The following OSBPL10 variants were observed in gnomAD, a reference collection of about 807,000 sequenced individuals.
OSBPL10 encodes the protein oxysterol binding protein like 10.
OSBPL10 carries 49 observed loss-of-function variants against 81.7 expected under a neutral mutation model. The observed-to-expected ratio is 0.60, with a 90% CI of 0.48 to 0.76. The LOEUF (loss-of-function observed/expected upper bound fraction) is 0.76, where lower values mean the gene tolerates loss of function less well. OSBPL10 is among the 30% of genes least tolerant of loss of function. OSBPL10 has a pLI of 0.00. For synonymous variants in OSBPL10, 419 were observed against 383.6 expected (o/e 1.09, Z -1.08); for missense variants, 923 against 987.8 (o/e 0.93, Z 0.88).
chr3:31,738,390 G>GA (rs58044645), intron 5 of OSBPL10, among the ~76,000 whole-genome samples: 1,614 of 141,444 alleles, frequency 0.011, 10 homozygotes, highest in Non-Finnish European at 0.017. Context: ...TGCCTTAAAG[G>GA]AAAAAAAAAA....
chr3:31,867,822 C>CCAGA (rs1290580868), intron 3 of OSBPL10, among the ~76,000 whole-genome samples: 1 of 151,750 alleles, frequency 6.6e-6, no homozygotes, highest in Non-Finnish European at 1.5e-5. Context: ...CAGAAATGAC[C>CCAGA]CAGACAGAAG....
At chr3:31,904,444 CAAAA>C (rs545558536) in intron 1 of OSBPL10, among the ~76,000 whole-genome samples, 151 of 152,300 alleles carry the variant, frequency 9.9e-4, no homozygotes, top group African/African-American at 3.5e-3. Context: ...ATTTTCAAAA[CAAAA>C]TCCACTTGTG....
intron 4 of OSBPL10, among the ~76,000 whole-genome samples, chr3:31,804,998 A>G (rs1187659706): frequency 6.6e-6 from 1 of 152,170 alleles, no homozygotes; most frequent in Non-Finnish European, 1.5e-5. Context: ...GGCTTTCCCT[A>G]TGGTTTTCAA....
intron 4 of OSBPL10, among the ~76,000 whole-genome samples, chr3:31,772,571 C>T (rs182378987): frequency 7.8e-4 from 119 of 152,272 alleles, no homozygotes; most frequent in African/African-American, 2.6e-3. Flanking sequence ...GGATTTGAAC[C>T]CCCTCCAAGG....
At chr3:31,966,359 G>T (rs534310525) in intron 1 of OSBPL10, among the ~76,000 whole-genome samples, 2 of 150,928 alleles carry the variant, frequency 1.3e-5, no homozygotes, top group South Asian at 4.2e-4. Flanking sequence ...CATTAGAAAA[G>T]AAATGATAAT....
intron 1 of OSBPL10, among the ~76,000 whole-genome samples, chr3:31,883,106 GAACATGAAC>G (rs1695635159): frequency 6.6e-6 from 1 of 152,140 alleles, no homozygotes; most frequent in Non-Finnish European, 1.5e-5. Context: ...TGGCAAGTTA[GAACATGAAC>G]AATCATCCTT....
intron 1 of OSBPL10, among the ~76,000 whole-genome samples, chr3:31,958,565 AT>A (rs944460057): frequency 2.0e-5 from 3 of 152,066 alleles, no homozygotes; most frequent in East Asian, 1.9e-4. Context: ...ACAAGGGCCC[AT>A]TTTTTTCCCA....
intron 3 of OSBPL10, among the ~76,000 whole-genome samples, chr3:31,831,960 C>G (rs1323730801): frequency 6.6e-6 from 1 of 152,140 alleles, no homozygotes; most frequent in Non-Finnish European, 1.5e-5. Flanking sequence ...TGGCAAAGGA[C>G]AGAAAACAAC....
At chr3:31,832,938 G>C (rs968185924) in intron 3 of OSBPL10, among the ~76,000 whole-genome samples, 17 of 152,184 alleles carry the variant, frequency 1.1e-4, no homozygotes, top group Admixed American at 1.1e-3. Flanking sequence ...GAAGGAGTGG[G>C]GCGAGAGCCA....
intron 2 of OSBPL10, among the ~76,000 whole-genome samples, chr3:32,005,775 G>C (rs1699200201): frequency 6.6e-6 from 1 of 151,840 alleles, no homozygotes; most frequent in African/African-American, 2.4e-5. Flanking sequence ...TTTTAGTAGA[G>C]ATGGGGTTTC....
At chr3:32,015,846 A>G (rs527768743) in intron 2 of OSBPL10, among the ~76,000 whole-genome samples, 1 of 152,374 alleles carries the variant, frequency 6.6e-6, no homozygotes, top group East Asian at 1.9e-4. Flanking sequence ...ACTTGAAAAA[A>G]TACTCGTCAT....
chr3:31,929,999 CAACCAAAAAAA>C (rs1339203508), intron 1 of OSBPL10, among the ~76,000 whole-genome samples: 2 of 28,002 alleles, frequency 7.1e-5, no homozygotes, highest in African/African-American at 1.5e-4. Context: ...ACCCTGTCAC[CAACCAAAAAAA>C]AAAAAAAAAA....
chr3:31,862,162 T>A (rs995556419), intron 3 of OSBPL10, among the ~76,000 whole-genome samples: 8 of 148,358 alleles, frequency 5.4e-5, no homozygotes, highest in Non-Finnish European at 1.2e-4. Flanking sequence ...ACATACACTA[T>A]GTACCCACAA....
At chr3:31,877,165 A>G (rs2125633329) in intron 2 of OSBPL10, among the ~76,000 whole-genome samples, 1 of 152,298 alleles carries the variant, frequency 6.6e-6, no homozygotes, top group African/African-American at 2.4e-5. Context: ...TTGGTCTACC[A>G]AAGTGATGGT....
intron 11 of OSBPL10, chr3:31,662,987 C>A: frequency 1.0e-6 from 1 of 985,424 alleles, no homozygotes; most frequent in South Asian, 4.7e-5. Flanking sequence ...CAGAATCCAA[C>A]CTTGAAATCT....
At chr3:31,914,159 G>A (rs1388254052) in intron 1 of OSBPL10, among the ~76,000 whole-genome samples, 1 of 152,110 alleles carries the variant, frequency 6.6e-6, no homozygotes, top group Non-Finnish European at 1.5e-5. Flanking sequence ...GACCTCAAGT[G>A]ATCCACCCAC....
chr3:31,833,380 G>A (rs1391911234), intron 3 of OSBPL10, among the ~76,000 whole-genome samples: 2 of 152,038 alleles, frequency 1.3e-5, no homozygotes, highest in Non-Finnish European at 1.5e-5. Flanking sequence ...TCTTTAAAAA[G>A]AGAAATAATA....
intron 1 of OSBPL10, among the ~76,000 whole-genome samples, chr3:31,911,007 T>G (rs762279252): frequency 6.6e-6 from 1 of 152,162 alleles, no homozygotes; most frequent in Non-Finnish European, 1.5e-5. Flanking sequence ...TCTTTTCATC[T>G]CCACAGCCCA....
intron 1 of OSBPL10, among the ~76,000 whole-genome samples, chr3:32,076,804 G>A (rs1315971845): frequency 6.6e-6 from 1 of 152,086 alleles, no homozygotes; most frequent in Admixed American, 6.5e-5. Context: ...AAATTACAGG[G>A]AGCCAAGCTG....
Sources: allele counts gnomAD v4.1 joint callset (sites outside exome capture counted in the v4.1 genomes callset), GRCh38; gene constraint gnomAD v4.1.1; transcripts MANE v1.5; gene names NCBI Gene and HGNC (gene_info 2026-07-23, HGNC 2026-07-21).